The following USP3 variants were observed in gnomAD, a reference collection of about 807,000 sequenced individuals.
USP3 encodes ubiquitin specific peptidase 3, also known as ubiquitin carboxyl-terminal hydrolase 3.
In USP3, 20 loss-of-function variants were observed where a neutral mutation model predicts 72.3. The observed-to-expected ratio is 0.28, with a 90% CI of 0.19 to 0.40. The LOEUF is 0.40. Among genes scored for constraint, USP3 ranks in the 10% least tolerant of loss-of-function variants. USP3 has a pLI of 1.00. For synonymous variants in USP3, 222 were observed against 225.3 expected (o/e 0.99, Z 0.13); for missense variants, 479 against 633.9 (o/e 0.76, Z 2.62).
intron 8 of USP3, among the ~76,000 whole-genome samples, chr15:63,567,341 A>ATTTT (rs1276442905): frequency 1.7e-5 from 2 of 119,536 alleles, no homozygotes; most frequent in East Asian, 2.2e-4. Context: ...TGCCTGGCTA[A>ATTTT]TTTTTTTTTT....
chr15:63,542,842 G>A (rs1299921316), intron 3 of USP3, among the ~76,000 whole-genome samples: 1 of 152,100 alleles, frequency 6.6e-6, no homozygotes, highest in Non-Finnish European at 1.5e-5. Context: ...TGTTTTGGTA[G>A]TTCTAGCCAT....
chr15:63,506,585 C>T (rs2065716571), intron 1 of USP3, among the ~76,000 whole-genome samples: 1 of 152,140 alleles, frequency 6.6e-6, no homozygotes, highest in East Asian at 1.9e-4. Context: ...TGGCAGATGC[C>T]CTCTTGTGAG....
intron 1 of USP3, among the ~76,000 whole-genome samples, chr15:63,510,566 T>A (rs2065767190): frequency 6.6e-6 from 1 of 152,228 alleles, no homozygotes; most frequent in African/African-American, 2.4e-5. Context: ...TTTATGTTTA[T>A]TCATTGCCTC....
intron 3 of USP3, among the ~76,000 whole-genome samples, chr15:63,550,752 C>T (rs988210184): frequency 5.9e-5 from 9 of 152,030 alleles, no homozygotes; most frequent in South Asian, 4.1e-4. Context: ...TTTCACTTTC[C>T]GTAAAATATC....
At chr15:63,542,120 A>T (rs1421151) in intron 3 of USP3, 831,088 of 984,822 alleles carry the variant, frequency 0.84, 354,660 homozygotes, top group Non-Finnish European at 0.86. Flanking sequence ...TGTGGAAGTC[A>T]TGACTTGAGT....
chr15:63,588,864 G>A lies in USP3; in HGVS notation c.1329+49G>A. ...TGGTGAAAAAATGGCTCTTCAGTAAGATTGTCATCACATGGAGAGGGTAGA... is the reference window on the plus strand; with the variant it reads ...TGGTGAAAAAATGGCTCTTCAGTAAAATTGTCATCACATGGAGAGGGTAGA... On this transcript the variant is annotated intron_variant, in intron 13 of 14. Transcript: ENST00000380324. The surrounding 1 kb of genome is among the most constrained non-coding windows in gnomAD (Gnocchi z 4.6). 6.2e-7 allele frequency: 1 copy of A among 1,610,546 alleles called. No individual in the cohort carries two copies. Among genetic ancestry groups the A allele is most frequent in the Non-Finnish European group, 8.5e-7 (1 of 1,176,808 alleles).
intron 1 of USP3, among the ~76,000 whole-genome samples, chr15:63,515,173 C>A (rs1454025846): frequency 6.6e-6 from 1 of 152,136 alleles, no homozygotes; most frequent in Non-Finnish European, 1.5e-5. Context: ...GTAGGAGGAG[C>A]CCAGTTCCAG....
At chr15:63,513,808 C>T (rs1295240735) in intron 1 of USP3, among the ~76,000 whole-genome samples, 1 of 152,130 alleles carries the variant, frequency 6.6e-6, no homozygotes. Context: ...AAATTTCTGA[C>T]TTGGAATGTT....
chr15:63,560,691 A>G (rs1446118729), intron 7 of USP3, among the ~76,000 whole-genome samples: 1 of 151,796 alleles, frequency 6.6e-6, no homozygotes, highest in Admixed American at 6.6e-5. Context: ...TGATACGGAG[A>G]GGGGGGGAAG....
intron 1 of USP3, among the ~76,000 whole-genome samples, chr15:63,521,249 T>A (rs1211396994): frequency 1.3e-5 from 2 of 152,118 alleles, no homozygotes; most frequent in Non-Finnish European, 2.9e-5. Context: ...CATCTGTGGA[T>A]GTGCGACAGT....
Position 63,570,833 on chromosome 15 carries a change from T to C in USP3, c.908+254T>C, listed in dbSNP as rs1337937038. Reference sequence around the variant, plus strand: ...TAGATTATTTTAAATTTTGAAAAAATAGAAAATATTTGTACAGTTCAGCAT... The same window carrying C: ...TAGATTATTTTAAATTTTGAAAAAACAGAAAATATTTGTACAGTTCAGCAT... On this transcript the variant is annotated intron_variant, in intron 9 of 14. Coordinates refer to ENST00000380324, the MANE Select transcript of USP3 (RefSeq NM_006537.4). The surrounding 1 kb of genome is among the most constrained non-coding windows in gnomAD (Gnocchi z 4.4). Among the ~76,000 whole-genome samples the C allele has an allele frequency of 2.0e-5, 3 of 152,180 alleles. No homozygotes were observed. The East Asian group carries it at 5.8e-4, about 29-fold the overall frequency.
At chr15:63,510,601 C>G (rs935816963) in intron 1 of USP3, among the ~76,000 whole-genome samples, 4 of 152,100 alleles carry the variant, frequency 2.6e-5, no homozygotes, top group African/African-American at 4.8e-5. Context: ...CAATTGCATT[C>G]TAGGTGTGTT....
At position 63,512,415 on chromosome 15, in the gene USP3, C is replaced by CTTTCTT. The variant is rs1308127744; in HGVS notation, c.91+7593_91+7598dup. Among the ~76,000 whole-genome samples the CTTTCTT allele has an allele frequency of 3.5e-5, 5 of 142,538 alleles. No homozygotes were observed. The East Asian group carries it at 1.0e-3, about 29-fold the overall frequency. 93.5% of individuals were successfully genotyped at this position (142,538 alleles called of 152,430 possible). A position where few individuals can be genotyped will look rare whatever the true frequency, so the allele number is the denominator to read the frequency against. Reference sequence around the variant, plus strand: ...TCTTTCTTCCTTCTTCTTCTTTCTTCTTTCTTTTTCTTTCTTCTTTCTTCC... The same window carrying CTTTCTT: ...TCTTTCTTCCTTCTTCTTCTTTCTTCTTTCTTTTTCTTTTTCTTTCTTCTTTCTTCC... On this transcript the variant is annotated intron_variant, in intron 1 of 14. Coordinates refer to ENST00000380324, the MANE Select transcript of USP3 (RefSeq NM_006537.4).
chr15:63,537,303 G>A, intron 3 of USP3, 147 bp downstream of exon 3: 1 of 942,072 alleles, frequency 1.1e-6, no homozygotes, highest in Non-Finnish European at 1.5e-6. Flanking sequence ...GAGCCATTGG[G>A]AACGCCTATC....
intron 7 of USP3, among the ~76,000 whole-genome samples, chr15:63,561,414 C>T (rs2066606190): frequency 6.6e-6 from 1 of 152,196 alleles, no homozygotes. Context: ...GCACCGCAGT[C>T]ACAGTCACCC....
chr15:63,555,339 C>G (rs908659306), intron 4 of USP3, among the ~76,000 whole-genome samples: 1 of 152,178 alleles, frequency 6.6e-6, no homozygotes, highest in Non-Finnish European at 1.5e-5. Flanking sequence ...CCGCATGCCC[C>G]GTGGAGCAGC....
At position 63,590,659 on chromosome 15, in the gene USP3, A is replaced by C; in HGVS notation, c.1398-2A>C. 6.4e-7 allele frequency: 1 copy of C among 1,559,164 alleles called. No homozygotes were observed. The highest frequency in any genetic ancestry group is 8.7e-7 in the Non-Finnish European group (1 of 1,152,948). ...TTTTCCTTTGGTCTTTTGCCTTTAC[A>C]GGGTTGGTTCTGGACATTACACAGC... On this transcript the variant is annotated splice_acceptor_variant, in intron 14 of 14. Transcript: ENST00000380324. LOFTEE classifies it high-confidence loss of function.
chr15:63,549,792 C>G (rs1350396324), intron 3 of USP3, among the ~76,000 whole-genome samples: 1 of 152,086 alleles, frequency 6.6e-6, no homozygotes, highest in Non-Finnish European at 1.5e-5. Context: ...AAATCTATTC[C>G]TGGTTTACTC....
At chr15:63,560,865 T>C (rs530929274) in intron 7 of USP3, among the ~76,000 whole-genome samples, 20 of 152,324 alleles carry the variant, frequency 1.3e-4, no homozygotes, top group Admixed American at 6.5e-4. Flanking sequence ...ACTCCTTATA[T>C]ATTTAATGTT....
Sources: gnomAD v4.1 joint callset for allele counts (sites outside exome capture counted in the v4.1 genomes callset) on GRCh38, gnomAD v4.1.1 for gene constraint, Gnocchi (gnomAD v3.1) non-coding constraint, MANE v1.5 for transcripts, NCBI Gene and HGNC (gene_info 2026-07-23, HGNC 2026-07-21) for gene names.